The following MAOA variants were observed in gnomAD, a reference collection of about 807,000 sequenced individuals.
MAOA encodes amine oxidase [flavin-containing] A.
A neutral mutation model predicts 42.0 loss-of-function variants in MAOA; 6 were observed. That is an observed-to-expected ratio of 0.14 (90% CI 0.08 to 0.28). MAOA has a LOEUF of 0.28. Among genes scored for constraint, MAOA ranks in the 10% least tolerant of loss-of-function variants. MAOA has a pLI of 1.00. For missense variants in MAOA, 262 were observed against 422.3 expected, an observed-to-expected ratio of 0.62 and a Z score of 3.33; for synonymous variants, 140 against 154.0, an observed-to-expected ratio of 0.91 and a Z score of 0.67.
chrX:43,670,222 T>C (rs2033317784), intron 1 of MAOA, among the ~76,000 whole-genome samples: 1 of 112,143 alleles, frequency 8.9e-6, no homozygotes, highest in African/African-American at 3.2e-5. Flanking sequence ...AATAATAAAA[T>C]GTGATTTCAA....
At chrX:43,664,422 G>T (rs2033259950) in intron 1 of MAOA, among the ~76,000 whole-genome samples, 1 of 111,497 alleles carries the variant, frequency 9.0e-6, no homozygotes, top group African/African-American at 3.3e-5. Flanking sequence ...TGTCACAGGG[G>T]TTACAGAGAT....
intron 5 of MAOA, among the ~76,000 whole-genome samples, chrX:43,714,139 A>T (rs1029410815): frequency 2.9e-4 from 32 of 111,440 alleles, no homozygotes; most frequent in African/African-American, 1.0e-3. Flanking sequence ...GGAGGGAATG[A>T]TATCTTCCAA....
intron 1 of MAOA, among the ~76,000 whole-genome samples, chrX:43,679,174 A>G (rs2033423952): frequency 9.3e-6 from 1 of 107,686 alleles, no homozygotes; most frequent in Non-Finnish European, 1.9e-5. Flanking sequence ...TGTAGAAACA[A>G]CTACTTTCAC....
intron 1 of MAOA, 137 bp downstream of exon 1, chrX:43,656,551 T>C: frequency 3.4e-6 from 2 of 592,681 alleles, no homozygotes; most frequent in South Asian, 4.9e-5. Context: ...CCCCATATCC[T>C]GCGAGGTAGG....
In MAOA at chrX:43,737,111, A is replaced by G. The variant is rs1273735474; in HGVS notation, c.1106+831A>G. Among the ~76,000 whole-genome samples the G allele has an allele frequency of 2.7e-5, 3 of 111,949 alleles. No individual in the cohort carries two copies. The East Asian group carries it at 8.5e-4, about 32-fold the overall frequency. ...CCTACATGTGCACACGGATTTGTTT[A>G]TTTGAATCTCATGGTTTGCAGGTAA... is the stretch of plus-strand genomic sequence containing the variant. On this transcript the variant is annotated intron_variant, in intron 10 of 14. Transcript: ENST00000338702.
chrX:43,669,888 C>G (rs1421086940), intron 1 of MAOA, among the ~76,000 whole-genome samples: 2 of 111,744 alleles, frequency 1.8e-5, no homozygotes, highest in Non-Finnish European at 3.8e-5. Flanking sequence ...CAAAGAAGTA[C>G]TTTTCCACAG....
intron 14 of MAOA, 93 bp downstream of exon 14, chrX:43,744,264 T>C (rs945117625): frequency 7.1e-5 from 78 of 1,105,119 alleles, no homozygotes; most frequent in Non-Finnish European, 9.5e-5. Context: ...GATTTAATTA[T>C]AGATGCAACT....
intron 10 of MAOA, among the ~76,000 whole-genome samples, chrX:43,737,282 C>T (rs993261126): frequency 9.0e-6 from 1 of 111,211 alleles, no homozygotes; most frequent in Non-Finnish European, 1.9e-5. Flanking sequence ...AAACTCTACT[C>T]ACTCAATGGA....
intron 1 of MAOA, among the ~76,000 whole-genome samples, chrX:43,676,933 T>C (rs774865431): frequency 9.0e-6 from 1 of 111,065 alleles, no homozygotes; most frequent in African/African-American, 3.3e-5. Context: ...GTACACTACA[T>C]TTCCAGGTTT....
chrX:43,676,514 C>T (rs1258795484), intron 1 of MAOA, among the ~76,000 whole-genome samples: 6 of 111,695 alleles, frequency 5.4e-5, no homozygotes, highest in Non-Finnish European at 1.1e-4. Flanking sequence ...GATGGAAATG[C>T]AGAAATCACC....
At chrX:43,655,267 A>T (rs2033168502), upstream of MAOA, 1 of 112,113 alleles carries the variant, frequency 8.9e-6, no homozygotes, top group South Asian at 3.6e-4. Context: ...CCGAACCCGG[A>T]CTCCAGCTTG....
upstream of MAOA, chrX:43,656,158 C>A: frequency 2.2e-6 from 1 of 456,012 alleles, no homozygotes. Context: ...CAGCTCCGCC[C>A]CTGGGCGCTC....
intron 5 of MAOA, among the ~76,000 whole-genome samples, chrX:43,727,724 C>A (rs1053323138): frequency 3.6e-5 from 4 of 112,556 alleles, no homozygotes; most frequent in African/African-American, 1.3e-4. Context: ...CAGTCTCTCA[C>A]AGCTTCCCTT....
At chrX:43,741,883 A>G in intron 11 of MAOA, 67 bp from the exon 12 acceptor site, 1 of 1,200,308 alleles carries the variant, frequency 8.3e-7, no homozygotes. Flanking sequence ...TAAAGCAACG[A>G]TATTATTGAC....
At chrX:43,702,743 T>A (rs2033633253) in intron 3 of MAOA, among the ~76,000 whole-genome samples, 1 of 112,350 alleles carries the variant, frequency 8.9e-6, no homozygotes, top group South Asian at 3.7e-4. Context: ...TTCATTCCCA[T>A]AGCTCTCCTG....
At chrX:43,737,819 G>A (rs1298313370) in intron 10 of MAOA, among the ~76,000 whole-genome samples, 2 of 111,231 alleles carry the variant, frequency 1.8e-5, no homozygotes, top group Admixed American at 9.5e-5. Flanking sequence ...AGCATATAGC[G>A]CATACTTTTT....
intron 3 of MAOA, among the ~76,000 whole-genome samples, chrX:43,705,890 C>A (rs897489907): frequency 1.8e-5 from 2 of 112,038 alleles, no homozygotes; most frequent in Non-Finnish European, 3.8e-5. Context: ...TAGGGAAATG[C>A]AAGTCAAAAC....
chrX:43,746,441 C>G lies in MAOA; in HGVS notation c.*1928C>G, dbSNP rs952354895. 1 of 111,985 alleles carries G rather than the reference C, an allele frequency of 8.9e-6. No homozygotes were observed. The highest frequency in any genetic ancestry group is 9.5e-5 in the Admixed American group (1 of 10,546). The allele number at this position is 111,985 out of a possible 1,213,427, so 9.2% of individuals were successfully genotyped here. On this transcript the variant is annotated 3_prime_UTR_variant, in exon 15 of 15. Coordinates refer to ENST00000338702, the MANE Select transcript of MAOA (RefSeq NM_000240.4). ...TCATCCAACGTGAAGATACCATAAG[C>G]TTTTTCTCTGAACCAGAGAAATGAA...
chrX:43,684,240 C>T (rs1295455396), intron 2 of MAOA, among the ~76,000 whole-genome samples: 1 of 111,302 alleles, frequency 9.0e-6, no homozygotes, highest in Non-Finnish European at 1.9e-5. Context: ...TTTTATACTT[C>T]GGCTTACATC....
Sources: gnomAD v4.1 joint callset for allele counts (sites outside exome capture counted in the v4.1 genomes callset) on GRCh38, gnomAD v4.1.1 for gene constraint, MANE v1.5 for transcripts, NCBI Gene and HGNC (gene_info 2026-07-23, HGNC 2026-07-21) for gene names.